The following SLC8A1 variants were observed in gnomAD, a reference collection of about 807,000 sequenced individuals.
The protein encoded by SLC8A1 is sodium/calcium exchanger 1.
A neutral mutation model predicts 68.3 loss-of-function variants in SLC8A1; 18 were observed. The observed-to-expected ratio is 0.26, with a 90% CI of 0.18 to 0.39. SLC8A1 has a LOEUF of 0.39. Among genes scored for constraint, SLC8A1 ranks in the 10% least tolerant of loss-of-function variants. The pLI, the probability that SLC8A1 is intolerant of heterozygous loss-of-function variation, is 1.00. For synonymous variants in SLC8A1, 475 were observed against 415.5 expected, an observed-to-expected ratio of 1.14 and a Z score of -1.74; for missense variants, 985 against 1,156.7, an observed-to-expected ratio of 0.85 and a Z score of 2.15.
chr2:40,134,986 G>T (rs552250137), intron 7 of SLC8A1, among the ~76,000 whole-genome samples: 1 of 152,190 alleles, frequency 6.6e-6, no homozygotes, highest in African/African-American at 2.4e-5. Context: ...ACTCTTTAAA[G>T]ATATCATTTA....
intron 1 of SLC8A1, among the ~76,000 whole-genome samples, chr2:40,450,482 T>C (rs570205788): frequency 6.6e-6 from 1 of 152,146 alleles, no homozygotes; most frequent in African/African-American, 2.4e-5. Flanking sequence ...AGATTGTGCA[T>C]GTTCAACTGC....
chr2:40,341,450 G>A (rs1388523504), intron 2 of SLC8A1, among the ~76,000 whole-genome samples: 1 of 152,156 alleles, frequency 6.6e-6, no homozygotes, highest in Non-Finnish European at 1.5e-5. Context: ...TGAGATAGTA[G>A]TTCTGGGCAT....
intron 1 of SLC8A1, among the ~76,000 whole-genome samples, chr2:40,448,317 G>A (rs543100295): frequency 6.6e-6 from 1 of 152,248 alleles, no homozygotes; most frequent in South Asian, 2.1e-4. Flanking sequence ...GGAAGAGGAA[G>A]AAAGAAAACC....
At chr2:40,251,489 G>A (rs143074766) in intron 2 of SLC8A1, 61 of 152,334 alleles carry the variant, frequency 4.0e-4, no homozygotes, top group African/African-American at 1.4e-3. Flanking sequence ...CTGTGACCCT[G>A]AGAGATAAAC....
rs1674483854 is a variant in SLC8A1, at chr2:40,361,101, A to G, written c.1808+67372T>C. ...AGAAAAGAGGTGAAGAAAGGGACTTAGTAAGTTGAAGATTTCCCAACAGCA... is the reference window on the plus strand; with the variant it reads ...AGAAAAGAGGTGAAGAAAGGGACTTGGTAAGTTGAAGATTTCCCAACAGCA... On this transcript the variant is annotated intron_variant, in intron 2 of 7. Transcript: ENST00000406785. 1.3e-5 allele frequency among the ~76,000 whole-genome samples: 2 copies of G among 152,180 alleles called. 1 individual carries two copies. The highest frequency in any genetic ancestry group is 2.9e-5 in the Non-Finnish European group (2 of 68,030).
chr2:40,462,467 ATCTTT>A (rs910277361), intron 1 of SLC8A1, among the ~76,000 whole-genome samples: 14 of 151,556 alleles, frequency 9.2e-5, no homozygotes, highest in African/African-American at 3.4e-4. Flanking sequence ...CAAGTTGGGA[ATCTTT>A]TCTTTTTTTT....
At chr2:40,175,838 C>G (rs1363059090) in intron 3 of SLC8A1, 1 of 263,508 alleles carries the variant, frequency 3.8e-6, no homozygotes, top group African/African-American at 2.3e-5. Context: ...AGGTAAAGCA[C>G]TATCTTGGGA....
intron 2 of SLC8A1, among the ~76,000 whole-genome samples, chr2:40,206,439 G>T (rs1167949480): frequency 1.3e-5 from 2 of 152,002 alleles, no homozygotes; most frequent in Non-Finnish European, 2.9e-5. Context: ...TGATTTCAGT[G>T]CTTATTAAAT....
intron 1 of SLC8A1, among the ~76,000 whole-genome samples, chr2:40,497,564 C>T (rs1002068526): frequency 2.6e-5 from 4 of 151,630 alleles, no homozygotes; most frequent in Non-Finnish European, 4.4e-5. Context: ...ATTGAGGGTT[C>T]ATCAAGTGAA....
rs181364986 is a variant in SLC8A1 at position 40,505,516 on chromosome 2, A to T, written c.-25+6833T>A. On this transcript the variant is annotated intron_variant, in intron 1 of 7. Coordinates refer to the SLC8A1 transcript ENST00000402441. Reference sequence around the variant, plus strand: ...AAAAATTACTAAAATAGAAAAAAATAAAAAAGTCACATTGGTGGAAAATGC... The same window carrying T: ...AAAAATTACTAAAATAGAAAAAAATTAAAAAGTCACATTGGTGGAAAATGC... Among the ~76,000 whole-genome samples the T allele has an allele frequency of 3.8e-3, 574 of 151,952 alleles. 9 individuals are homozygous for T. Among genetic ancestry groups the T allele is most frequent in the Middle Eastern group, 3.4e-3 (1 of 294 alleles).
chr2:40,291,435 GAA>G (rs996365668), intron 2 of SLC8A1, among the ~76,000 whole-genome samples: 93 of 152,170 alleles, frequency 6.1e-4, no homozygotes, highest in African/African-American at 2.1e-3. Flanking sequence ...CTCATATTCC[GAA>G]AGTTTCCTAG....
chr2:40,282,029 A>C (rs964291185), intron 2 of SLC8A1, among the ~76,000 whole-genome samples: 1 of 152,176 alleles, frequency 6.6e-6, no homozygotes, highest in Non-Finnish European at 1.5e-5. Flanking sequence ...TCCCTTCAGC[A>C]CAGCTCCCCC....
intron 2 of SLC8A1, among the ~76,000 whole-genome samples, chr2:40,378,916 C>T (rs969047046): frequency 2.0e-5 from 3 of 152,102 alleles, no homozygotes; most frequent in African/African-American, 7.2e-5. Flanking sequence ...CTATCTCCTT[C>T]TCCTGCCTAA....
intron 2 of SLC8A1, among the ~76,000 whole-genome samples, chr2:40,311,980 C>G (rs551481858): frequency 6.6e-6 from 1 of 152,100 alleles, no homozygotes; most frequent in Non-Finnish European, 1.5e-5. Flanking sequence ...ACCTACTCCC[C>G]TTCCCTCCTC....
intron 4 of SLC8A1, among the ~76,000 whole-genome samples, 153 bp downstream of exon 7, chr2:40,170,128 G>C (rs1435053486): frequency 3.3e-5 from 5 of 152,102 alleles, no homozygotes; most frequent in South Asian, 2.1e-4. Context: ...GTGTTTTGTT[G>C]TAATCCACCG....
intron 2 of SLC8A1, among the ~76,000 whole-genome samples, chr2:40,320,373 A>G (rs940775316): frequency 1.3e-5 from 2 of 152,180 alleles, no homozygotes; most frequent in African/African-American, 4.8e-5. Flanking sequence ...CATTATGTCC[A>G]CTGCCCTTAG....
rs572258156 is a variant in SLC8A1, at chr2:40,350,587, C to CAAAAAA, written c.1808+77880_1808+77885dup. On this transcript the variant is annotated intron_variant, in intron 2 of 7. Coordinates refer to ENST00000406785, the Ensembl canonical transcript of SLC8A1. ...ATTACTTCTCACGCACCCAGACAAG[C>CAAAAAA]AAAAAAAAAAAAAAAAAAAAAAAAA... Among the ~76,000 whole-genome samples the CAAAAAA allele has an allele frequency of 1.4e-3, 105 of 76,226 alleles. 4 individuals are homozygous for CAAAAAA. Among genetic ancestry groups the CAAAAAA allele is most frequent in the Non-Finnish European group, 1.6e-3 (63 of 38,354 alleles). The allele number at this position is 76,226 out of a possible 152,430, so 50.0% of individuals were successfully genotyped here. A position where few individuals can be genotyped will look rare whatever the true frequency, so the allele number is the denominator to read the frequency against.
intron 1 of SLC8A1, among the ~76,000 whole-genome samples, chr2:40,465,618 A>C (rs546117214): frequency 6.6e-6 from 1 of 152,270 alleles, no homozygotes; most frequent in Admixed American, 6.5e-5. Context: ...AAATGTTACC[A>C]TTTATTTCCC....
intron 6 of SLC8A1, among the ~76,000 whole-genome samples, chr2:40,153,993 T>G (rs931664438): frequency 6.6e-6 from 1 of 152,196 alleles, no homozygotes; most frequent in African/African-American, 2.4e-5. Context: ...ATGTGAGCAC[T>G]TGAAACCTAA....
Sources: gnomAD v4.1 joint callset for allele counts (sites outside exome capture counted in the v4.1 genomes callset) on GRCh38, gnomAD v4.1.1 for gene constraint, MANE v1.5 for transcripts, NCBI Gene and HGNC (gene_info 2026-07-23, HGNC 2026-07-21) for gene names.